The following STPG2 variants were observed in gnomAD, a reference collection of about 807,000 sequenced individuals.
STPG2 encodes the protein sperm tail PG-rich repeat containing 2.
In STPG2, 56 loss-of-function variants were observed where a neutral mutation model predicts 54.2. The observed-to-expected ratio is 1.03, with a 90% confidence interval of 0.83 to 1.29. The LOEUF (loss-of-function observed/expected upper bound fraction) is 1.29, where lower values mean the gene tolerates loss of function less well. STPG2 is among the 50% of genes most tolerant of loss of function. The pLI is 0.00. For synonymous variants in STPG2, 200 were observed against 181.8 expected (o/e 1.10, Z -0.81); for missense variants, 596 against 544.9 (o/e 1.09, Z -0.93).
At chr4:97,864,093 G>A (rs985097436) in intron 8 of STPG2, among the ~76,000 whole-genome samples, 1 of 152,082 alleles carries the variant, frequency 6.6e-6, no homozygotes, top group Non-Finnish European at 1.5e-5. Flanking sequence ...GGAAGTTCTG[G>A]CCAGGGCAAT....
At chr4:98,058,168 A>T (rs557832009) in intron 5 of STPG2, among the ~76,000 whole-genome samples, 1 of 152,326 alleles carries the variant, frequency 6.6e-6, no homozygotes, top group Admixed American at 6.5e-5. Flanking sequence ...TCTTCAAAAT[A>T]ATCGGCTAAC....
At chr4:97,474,369 C>T (rs536196768) in intron 4 of STPG2, among the ~76,000 whole-genome samples, 142 of 151,964 alleles carry the variant, frequency 9.3e-4, no homozygotes, top group Non-Finnish European at 1.7e-3. Flanking sequence ...CACGAAAAAG[C>T]GATAATGATG....
intron 8 of STPG2, among the ~76,000 whole-genome samples, chr4:97,849,358 G>A (rs1729075662): frequency 6.6e-6 from 1 of 151,928 alleles, no homozygotes; most frequent in South Asian, 2.1e-4. Context: ...ACATAGGCGT[G>A]GGCAAGGACT....
intron 10 of STPG2, among the ~76,000 whole-genome samples, chr4:97,658,770 T>A (rs1386492831): frequency 6.6e-6 from 1 of 152,186 alleles, no homozygotes; most frequent in Non-Finnish European, 1.5e-5. Flanking sequence ...AAAAGTTACA[T>A]ACACATGTAT....
At chr4:97,766,456 G>C (rs1432862803) in intron 9 of STPG2, among the ~76,000 whole-genome samples, 2 of 151,984 alleles carry the variant, frequency 1.3e-5, no homozygotes, top group African/African-American at 4.8e-5. Flanking sequence ...AAATACTAAT[G>C]AGTACACAAA....
At chr4:97,948,159 T>C (rs1733313476) in intron 7 of STPG2, among the ~76,000 whole-genome samples, 1 of 152,134 alleles carries the variant, frequency 6.6e-6, no homozygotes, top group Non-Finnish European at 1.5e-5. Context: ...CAGGAATTTA[T>C]CCATTTCCTC....
chr4:97,608,193 ATC>A (rs1733642904), intron 10 of STPG2, among the ~76,000 whole-genome samples: 1 of 151,970 alleles, frequency 6.6e-6, no homozygotes. Flanking sequence ...GAACATTTTA[ATC>A]TCTCTTTGGA....
intron 9 of STPG2, among the ~76,000 whole-genome samples, chr4:97,759,265 G>A (rs1725820406): frequency 6.6e-6 from 1 of 151,976 alleles, no homozygotes; most frequent in South Asian, 2.1e-4. Context: ...AAAATTGGGA[G>A]GACATCTTAA....
At chr4:97,742,543 GTGTGTGTGTGTGTGTGTGTGTGTC>G (rs1725283762) in intron 9 of STPG2, among the ~76,000 whole-genome samples, 5 of 142,324 alleles carry the variant, frequency 3.5e-5, no homozygotes, top group African/African-American at 1.0e-4. Context: ...GTGTGTGTGT[GTGTGTGTGTGTGTGTGTGTGTGTC>G]TATATATATA....
chr4:97,850,978 C>A (rs961262445), intron 8 of STPG2, among the ~76,000 whole-genome samples: 2 of 152,146 alleles, frequency 1.3e-5, no homozygotes, highest in Admixed American at 6.5e-5. Flanking sequence ...TAATATTGAA[C>A]TATCTTTGTC....
At chr4:98,049,024 G>A (rs1025155299) in intron 5 of STPG2, 1 of 152,068 alleles carries the variant, frequency 6.6e-6, no homozygotes, top group Non-Finnish European at 1.5e-5. Flanking sequence ...GGAGATTTTG[G>A]TTTCACTGGA....
At chr4:97,795,039 T>C (rs1238948946) in intron 9 of STPG2, among the ~76,000 whole-genome samples, 3 of 152,204 alleles carry the variant, frequency 2.0e-5, no homozygotes, top group Non-Finnish European at 4.4e-5. Context: ...CTTCAGTTTT[T>C]GTATCTCACC....
At chr4:97,496,475 C>G (rs1476767601) in intron 4 of STPG2, among the ~76,000 whole-genome samples, 1 of 151,652 alleles carries the variant, frequency 6.6e-6, no homozygotes, top group Non-Finnish European at 1.5e-5. Context: ...TTTCCCGCTG[C>G]TAGAAAAAAT....
intron 4 of STPG2, among the ~76,000 whole-genome samples, chr4:97,495,944 T>G (rs947999826): frequency 1.7e-4 from 26 of 151,608 alleles, no homozygotes; most frequent in African/African-American, 6.3e-4. Flanking sequence ...AATTTTACTA[T>G]TGTGAGAAGA....
chr4:98,062,768 C>T (rs931905955), intron 5 of STPG2, among the ~76,000 whole-genome samples: 16 of 151,770 alleles, frequency 1.1e-4, no homozygotes, highest in East Asian at 3.9e-4. Context: ...TGGCAAAAAC[C>T]GCAATTACTT....
intron 8 of STPG2, among the ~76,000 whole-genome samples, chr4:97,850,660 C>A (rs1450851494): frequency 6.6e-6 from 1 of 151,808 alleles, no homozygotes; most frequent in African/African-American, 2.4e-5. Flanking sequence ...AGGGTAAAAA[C>A]CAAAAATTGT....
intron 10 of STPG2, among the ~76,000 whole-genome samples, chr4:97,677,799 G>A (rs1345347607): frequency 1.3e-5 from 2 of 152,088 alleles, no homozygotes; most frequent in African/African-American, 4.8e-5. Context: ...ACTTCATGGA[G>A]CCTCCATATG....
In STPG2 at chr4:97,803,466, G is replaced by T. The variant is rs182216880; in HGVS notation, c.1204+37307C>A. On this transcript the variant is annotated intron_variant, in intron 9 of 10. Coordinates refer to ENST00000295268, the MANE Select transcript of STPG2 (RefSeq NM_174952.3). Reference sequence around the variant, plus strand: ...GGTCAGTGAGGGTGGAGGTGGAGGTGGGGGAGGATCTATTCCAAGCAGGTA... The same window carrying T: ...GGTCAGTGAGGGTGGAGGTGGAGGTTGGGGAGGATCTATTCCAAGCAGGTA... Among the ~76,000 whole-genome samples the T allele has an allele frequency of 1.1e-4, 16 of 152,290 alleles. No individual in the cohort carries two copies. In the East Asian group the frequency reaches 2.9e-3, roughly 28 times the overall value.
chr4:98,133,562 T>C (rs1318280099), intron 2 of STPG2, among the ~76,000 whole-genome samples: 1 of 152,048 alleles, frequency 6.6e-6, no homozygotes, highest in African/African-American at 2.4e-5. Context: ...GTTTAAAGAA[T>C]AGATGTATAA....
Sources: gnomAD v4.1 joint callset for allele counts (sites outside exome capture counted in the v4.1 genomes callset) on GRCh38, gnomAD v4.1.1 for gene constraint, MANE v1.5 for transcripts, NCBI Gene and HGNC (gene_info 2026-07-23, HGNC 2026-07-21) for gene names.